PDE6A: variants seen among roughly 807,000 people sequenced by gnomAD.
The protein encoded by PDE6A is phosphodiesterase 6A.
A neutral mutation model predicts 106.3 loss-of-function variants in PDE6A; 84 were observed. The ratio of observed to expected loss-of-function variants is 0.79; its 90% confidence interval spans 0.66 to 0.95. The LOEUF is 0.95. Ranked by LOEUF, PDE6A falls within the 40% of genes least tolerant of loss-of-function variation. PDE6A has a pLI of 0.00. For missense variants in PDE6A, 1,052 were observed against 1,084.9 expected (o/e 0.97, Z 0.43); for synonymous variants, 394 against 386.6 (o/e 1.02, Z -0.23).
intron 3 of PDE6A, among the ~76,000 whole-genome samples, chr5:149,931,658 C>G (rs1051393477): frequency 3.3e-5 from 5 of 152,198 alleles, no homozygotes; most frequent in Non-Finnish European, 5.9e-5. Flanking sequence ...GGAAAAATGT[C>G]TATTAACAAA....
At chr5:149,888,371 A>G (rs1752395740) in intron 13 of PDE6A, among the ~76,000 whole-genome samples, 1 of 151,754 alleles carries the variant, frequency 6.6e-6, no homozygotes, top group Non-Finnish European at 1.5e-5. Flanking sequence ...CCTAGTGTTC[A>G]CTGGAAATTA....
chr5:149,939,592 C>T (rs974057117), intron 1 of PDE6A, among the ~76,000 whole-genome samples: 1 of 152,144 alleles, frequency 6.6e-6, no homozygotes, highest in Non-Finnish European at 1.5e-5. Flanking sequence ...GGAGCCATTA[C>T]GGTGTGCCAA....
rs11167487 is a variant in PDE6A at position 149,921,772 on chromosome 5, T to C, written c.859-63A>G. 0.21 allele frequency: 266,256 copies of C among 1,269,240 alleles called. 36,559 individuals carry two copies. The highest frequency in any genetic ancestry group is 0.62 in the African/African-American group (42,887 of 69,274). 78.6% of individuals were successfully genotyped at this position (1,269,240 alleles called of 1,614,324 possible). A position where few individuals can be genotyped will look rare whatever the true frequency, so the allele number is the denominator to read the frequency against. On this transcript the variant is annotated intron_variant, in intron 4 of 21. Coordinates refer to ENST00000255266, the MANE Select transcript of PDE6A (RefSeq NM_000440.3). ...AGAGATCAAGGAAAGGAGATTAAGA[T>C]GTCCCACCTCCATGAGTCAGCTAAC...
chr5:149,915,516 T>C (rs777736710), intron 5 of PDE6A, among the ~76,000 whole-genome samples: 14 of 152,174 alleles, frequency 9.2e-5, no homozygotes, highest in Non-Finnish European at 1.9e-4. Flanking sequence ...AGGATGTGCC[T>C]GGGCTGCCTT....
chr5:149,931,584 G>T (rs1311144368), intron 3 of PDE6A, among the ~76,000 whole-genome samples: 2 of 152,198 alleles, frequency 1.3e-5, no homozygotes, highest in Non-Finnish European at 2.9e-5. Context: ...ATATTAGGTG[G>T]TTCGAGTTTC....
intron 6 of PDE6A, among the ~76,000 whole-genome samples, chr5:149,912,366 G>A (rs1338294094): frequency 1.3e-5 from 2 of 152,164 alleles, no homozygotes; most frequent in East Asian, 3.9e-4. Context: ...CTCTGTTAGT[G>A]TGGATGGCAT....
At position 149,863,355 on chromosome 5, in the gene PDE6A, T is replaced by A; in HGVS notation, c.2359-89A>T. 7.5e-7 allele frequency: 1 copy of A among 1,326,906 alleles called. No individual in the cohort carries two copies. Among genetic ancestry groups the A allele is most frequent in the Non-Finnish European group, 1.1e-6 (1 of 929,858 alleles). The allele number at this position is 1,326,906 out of a possible 1,614,324, so 82.2% of individuals were successfully genotyped here. A position where few individuals can be genotyped will look rare whatever the true frequency, so the allele number is the denominator to read the frequency against. ...TGGCACAGCTGGAAACGTCCAACAC[T>A]GGAATGAGCTGCTTCGGAGTAGCAG... On this transcript the variant is annotated intron_variant, in intron 20 of 21. Coordinates refer to ENST00000255266, the MANE Select transcript of PDE6A (RefSeq NM_000440.3). This position sits in a 1 kb window ranked among gnomAD's most constrained non-coding sequence, Gnocchi z 4.7.
chr5:149,930,947 G>A, intron 4 of PDE6A, 81 bp downstream of exon 4: 3 of 1,413,290 alleles, frequency 2.1e-6, no homozygotes, highest in South Asian at 1.2e-5. Flanking sequence ...CCGTGCAATT[G>A]AATGTGTGCC....
intron 5 of PDE6A, among the ~76,000 whole-genome samples, chr5:149,915,327 G>A (rs1753519276): frequency 6.6e-6 from 1 of 152,158 alleles, no homozygotes; most frequent in African/African-American, 2.4e-5. Context: ...ATACCTTCAA[G>A]AGTCAAATAG....
intron 13 of PDE6A, among the ~76,000 whole-genome samples, chr5:149,888,004 C>T (rs924942477): frequency 1.3e-5 from 2 of 152,080 alleles, no homozygotes; most frequent in African/African-American, 4.8e-5. Context: ...CTTTAACCCT[C>T]GCCTTCCCTT....
intron 10 of PDE6A, among the ~76,000 whole-genome samples, chr5:149,897,225 G>A (rs1470344495): frequency 2.0e-5 from 3 of 152,214 alleles, no homozygotes; most frequent in Non-Finnish European, 4.4e-5. Context: ...GGAGGCCTTG[G>A]ACATAGTCCT....
chr5:149,875,509 C>T lies in PDE6A; in HGVS notation c.2136-7351G>A, dbSNP rs559690015. 7.2e-4 allele frequency among the ~76,000 whole-genome samples: 95 copies of T among 131,414 alleles called. 1 individual carries two copies. Among genetic ancestry groups the T allele is most frequent in the Non-Finnish European group, 1.1e-3 (70 of 63,208 alleles). The allele number at this position is 131,414 out of a possible 152,430, so 86.2% of individuals were successfully genotyped here. ...ACTATTTTTTTTTTTTTTTTTGAGT[C>T]GGAGGAGCCTCGCTCTGTCACCCAG... On this transcript the variant is annotated intron_variant, in intron 17 of 21. Transcript: ENST00000255266.
chr5:149,893,549 G>C (rs907831246), intron 13 of PDE6A, among the ~76,000 whole-genome samples: 1 of 152,168 alleles, frequency 6.6e-6, no homozygotes, highest in Non-Finnish European at 1.5e-5. Flanking sequence ...TCAAGACCTG[G>C]AGACTACCTA....
Position 149,863,768 on chromosome 5 carries a change from C to T in PDE6A, c.2359-502G>A, listed in dbSNP as rs781761328. The stretch of plus-strand genomic sequence containing the variant: ...CCTCCCAAGTAGCTGGAACTACAGG[C>T]TCATGCCACCACACCCAGGTAATTT... On this transcript the variant is annotated intron_variant, in intron 20 of 21. Coordinates refer to ENST00000255266, the MANE Select transcript of PDE6A (RefSeq NM_000440.3). The surrounding 1 kb of genome is among the most constrained non-coding windows in gnomAD (Gnocchi z 4.7). Among the ~76,000 whole-genome samples the T allele has an allele frequency of 2.3e-4, 35 of 152,146 alleles. No homozygotes were observed. Among genetic ancestry groups the T allele is most frequent in the Non-Finnish European group, 4.1e-4 (28 of 68,026 alleles).
rs569752817 is a variant in PDE6A at position 149,920,905 on chromosome 5, G to A, written c.933+730C>T. Reference sequence around the variant, plus strand: ...AGAGAGACAGAGAGAGAGAGAGAGAGAAGAAAAGAAAGAAAGAAGAAAGAG... The same window carrying A: ...AGAGAGACAGAGAGAGAGAGAGAGAAAAGAAAAGAAAGAAAGAAGAAAGAG... On this transcript the variant is annotated intron_variant, in intron 5 of 21. Transcript: ENST00000255266. Among the ~76,000 whole-genome samples, 6 of 138,262 alleles carry A rather than the reference G, an allele frequency of 4.3e-5. No individual in the cohort carries two copies. In the East Asian group the frequency reaches 1.3e-3, roughly 29 times the overall value. The allele number at this position is 138,262 out of a possible 152,430, so 90.7% of individuals were successfully genotyped here.
intron 9 of PDE6A, 72 bp from the exon 10 acceptor site, chr5:149,898,578 A>G: frequency 6.8e-7 from 1 of 1,479,424 alleles, no homozygotes; most frequent in Non-Finnish European, 9.3e-7. Context: ...ACTCATAGCA[A>G]GAGTCTCTAG....
chr5:149,944,766 T>C lies in PDE6A; in HGVS notation c.-93A>G. Reference sequence around the variant, plus strand: ...GTCTGCAACAAGTCCAGTCTGGACTTCTCTGGGTCTTGTCTGCAAAACATA... The same window carrying C: ...GTCTGCAACAAGTCCAGTCTGGACTCCTCTGGGTCTTGTCTGCAAAACATA... On this transcript the variant is annotated 5_prime_UTR_variant, in exon 1 of 22. Coordinates refer to ENST00000255266, the MANE Select transcript of PDE6A (RefSeq NM_000440.3). 1.0e-6 allele frequency: 1 copy of C among 970,990 alleles called. No homozygotes were observed. Among genetic ancestry groups the C allele is most frequent in the Non-Finnish European group, 1.6e-6 (1 of 629,770 alleles). 60.1% of individuals were successfully genotyped at this position (970,990 alleles called of 1,614,324 possible). A position where few individuals can be genotyped will look rare whatever the true frequency, so the allele number is the denominator to read the frequency against.
Sources: allele counts gnomAD v4.1 joint callset (sites outside exome capture counted in the v4.1 genomes callset), GRCh38; gene constraint gnomAD v4.1.1; non-coding constraint Gnocchi (gnomAD v3.1); transcripts MANE v1.5; gene names NCBI Gene and HGNC (gene_info 2026-07-23, HGNC 2026-07-21).